The following EXOC4 variants were observed in gnomAD, a reference collection of about 807,000 sequenced individuals.
The protein encoded by EXOC4 is SEC8-like 1.
A neutral mutation model predicts 107.2 loss-of-function variants in EXOC4; 71 were observed. That is an observed-to-expected ratio of 0.66 (90% CI 0.55 to 0.81). The LOEUF is 0.81. EXOC4 is among the 30% of genes least tolerant of loss of function. The probability of loss-of-function intolerance (pLI) is 0.00; values close to 1 mark genes in which losing one functional copy is unlikely to be tolerated. For missense variants in EXOC4, 1,108 were observed against 1,189.6 expected, an observed-to-expected ratio of 0.93 and a Z score of 1.01; for synonymous variants, 456 against 441.2, an observed-to-expected ratio of 1.03 and a Z score of -0.42.
At position 133,964,485 on chromosome 7, in the gene EXOC4, G is replaced by A. The variant is rs141299861; in HGVS notation, c.2206+26416G>A. On this transcript the variant is annotated intron_variant, in intron 14 of 17. Coordinates refer to ENST00000253861, the MANE Select transcript of EXOC4 (RefSeq NM_021807.4). Reference sequence around the variant, plus strand: ...TAATGCTCTCCCTCCCCTAGCCCCCGACCTCCCGACAGGCCCCAGTGTGTG... The same window carrying A: ...TAATGCTCTCCCTCCCCTAGCCCCCAACCTCCCGACAGGCCCCAGTGTGTG... Among the ~76,000 whole-genome samples, 73 of 151,952 alleles carry A rather than the reference G, an allele frequency of 4.8e-4. 5 individuals are homozygous for A. The East Asian group carries it at 0.01, about 22-fold the overall frequency.
At chr7:133,669,252 G>A (rs1793892228) in intron 10 of EXOC4, among the ~76,000 whole-genome samples, 1 of 152,034 alleles carries the variant, frequency 6.6e-6, no homozygotes, top group Non-Finnish European at 1.5e-5. Context: ...GTGGTGAGAG[G>A]AGGAGCCGCG....
At chr7:134,066,357 A>T (rs1796177717), downstream of EXOC4, 1 of 152,184 alleles carries the variant, frequency 6.6e-6, no homozygotes, top group Non-Finnish European at 1.5e-5. Context: ...AAGCTCCGCT[A>T]AAAAAGAAAC....
intron 7 of EXOC4, among the ~76,000 whole-genome samples, chr7:133,443,303 C>G (rs898055758): frequency 1.3e-5 from 2 of 152,048 alleles, no homozygotes; most frequent in African/African-American, 4.8e-5. Flanking sequence ...AGGAGAGGCC[C>G]AGGGCAAGGG....
chr7:133,537,995 T>C (rs1407038635), intron 9 of EXOC4, among the ~76,000 whole-genome samples: 2 of 152,132 alleles, frequency 1.3e-5, no homozygotes, highest in Admixed American at 1.3e-4. Flanking sequence ...CTTTCCCTGT[T>C]TTTTTTGGTA....
chr7:133,848,516 G>A (rs976816597), intron 11 of EXOC4, among the ~76,000 whole-genome samples: 25 of 152,214 alleles, frequency 1.6e-4, no homozygotes, highest in African/African-American at 5.8e-4. Context: ...GAAGGTAATT[G>A]TATCTTAGAT....
intron 9 of EXOC4, among the ~76,000 whole-genome samples, chr7:133,560,647 A>G (rs79636957): frequency 6.6e-6 from 1 of 152,284 alleles, no homozygotes; most frequent in Non-Finnish European, 1.5e-5. Context: ...TTTATGGTAA[A>G]GTGGGCTGGT....
the EXOC4 span, among the ~76,000 whole-genome samples, chr7:134,075,252 A>G: frequency 2.6e-5 from 4 of 152,216 alleles, no homozygotes; most frequent in Non-Finnish European, 5.9e-5. Context: ...AGTGCATTAT[A>G]TGAAATCAGG....
intron 14 of EXOC4, among the ~76,000 whole-genome samples, chr7:133,986,378 G>A (rs775015457): frequency 6.6e-6 from 1 of 152,186 alleles, no homozygotes; most frequent in Non-Finnish European, 1.5e-5. Context: ...GATTATAGAT[G>A]GTTTGGAAGA....
At chr7:133,785,393 T>TA (rs397783332) in intron 10 of EXOC4, among the ~76,000 whole-genome samples, 1 of 151,882 alleles carries the variant, frequency 6.6e-6, no homozygotes, top group African/African-American at 2.4e-5. Context: ...ATTGATTTTT[T>TA]CTTCCCATGT....
chr7:133,588,914 ATATATGTGTG>A (rs917600037), intron 9 of EXOC4, among the ~76,000 whole-genome samples: 1 of 151,930 alleles, frequency 6.6e-6, no homozygotes, highest in Non-Finnish European at 1.5e-5. Flanking sequence ...GTATGTGTAT[ATATATGTGTG>A]TATATGTGTG....
chr7:133,840,447 AG>A (rs1345225357), intron 11 of EXOC4, among the ~76,000 whole-genome samples: 9 of 152,018 alleles, frequency 5.9e-5, no homozygotes, highest in African/African-American at 2.2e-4. Flanking sequence ...ATTGGGCAGG[AG>A]AGCACTTGGG....
chr7:133,677,740 C>T (rs4731976), intron 10 of EXOC4, among the ~76,000 whole-genome samples: 150,140 of 152,276 alleles, frequency 0.99, 74,062 homozygotes, highest in Middle Eastern at 1. Context: ...CCCAAACCTG[C>T]TAATCAATCT....
chr7:133,317,994 T>C (rs1005095008), intron 5 of EXOC4, among the ~76,000 whole-genome samples: 2 of 152,210 alleles, frequency 1.3e-5, no homozygotes, highest in Non-Finnish European at 2.9e-5. Context: ...GTTTGGATGC[T>C]TTTTGATAGA....
In EXOC4 at chr7:133,681,331, C is replaced by T. The variant is rs117083218; in HGVS notation, c.1514+51190C>T. The stretch of plus-strand genomic sequence containing the variant: ...CATGTAAATAAAGCAAAGTAAAGGG[C>T]ATTTCAGCACCAGATATCTTTTTGA... On this transcript the variant is annotated intron_variant, in intron 10 of 17. Transcript: ENST00000253861. Among the ~76,000 whole-genome samples the T allele has an allele frequency of 1.5e-4, 23 of 152,074 alleles. No individual in the cohort carries two copies. The East Asian group carries it at 4.5e-3, about 29-fold the overall frequency.
At chr7:133,417,338 G>A (rs1173029537) in intron 7 of EXOC4, among the ~76,000 whole-genome samples, 1 of 152,178 alleles carries the variant, frequency 6.6e-6, no homozygotes, top group East Asian at 1.9e-4. Context: ...TAGAGATAGG[G>A]AGTTTCCTAA....
intron 7 of EXOC4, among the ~76,000 whole-genome samples, chr7:133,448,513 G>C (rs558829215): frequency 1.3e-5 from 2 of 151,960 alleles, no homozygotes; most frequent in Non-Finnish European, 2.9e-5. Context: ...TCACTATGTT[G>C]CCCAGGCTGG....
In EXOC4 at chr7:133,350,306, G is replaced by A. The variant is rs935505715; in HGVS notation, c.764-6024G>A. Among the ~76,000 whole-genome samples, 13 of 151,986 alleles carry A rather than the reference G, an allele frequency of 8.6e-5. 1 individual carries two copies. Among genetic ancestry groups the A allele is most frequent in the African/African-American group, 3.1e-4 (13 of 41,396 alleles). ...TCTTCTGAGAGTTTTATTGTTTTAG[G>A]TCTTACATTTAGGACTGTGATCTAT... On this transcript the variant is annotated intron_variant, in intron 5 of 17. Coordinates refer to ENST00000253861, the MANE Select transcript of EXOC4 (RefSeq NM_021807.4).
chr7:133,418,918 A>G (rs748392914), intron 7 of EXOC4, among the ~76,000 whole-genome samples: 3 of 152,208 alleles, frequency 2.0e-5, no homozygotes, highest in African/African-American at 4.8e-5. Flanking sequence ...GAAAAAGTCA[A>G]TGGAGATTTA....
intron 9 of EXOC4, among the ~76,000 whole-genome samples, chr7:133,557,676 T>C (rs1439270572): frequency 1.3e-5 from 2 of 152,130 alleles, no homozygotes; most frequent in African/African-American, 2.4e-5. Context: ...AATCCAACAT[T>C]TTATTCTCTA....
Sources: allele counts gnomAD v4.1 joint callset (sites outside exome capture counted in the v4.1 genomes callset), GRCh38; gene constraint gnomAD v4.1.1; transcripts MANE v1.5; gene names NCBI Gene and HGNC (gene_info 2026-07-23, HGNC 2026-07-21).